MAP7D1: variants seen among roughly 807,000 people sequenced by gnomAD.
MAP7D1 encodes MAP7 domain containing 1, also known as MAP7 domain-containing protein 1.
A neutral mutation model predicts 97.5 loss-of-function variants in MAP7D1; 30 were observed. That is an observed-to-expected ratio of 0.31 (90% CI 0.23 to 0.42). MAP7D1 has a LOEUF of 0.42. Among genes scored for constraint, MAP7D1 ranks in the 10% least tolerant of loss-of-function variants. The probability of loss-of-function intolerance (pLI) is 1.00; values close to 1 mark genes in which losing one functional copy is unlikely to be tolerated. For missense variants in MAP7D1, 1,184 were observed against 1,179.5 expected, an observed-to-expected ratio of 1.00 and a Z score of -0.06; for synonymous variants, 536 against 477.1, an observed-to-expected ratio of 1.12 and a Z score of -1.61.
intron 2 of MAP7D1, 87 bp from the exon 3 acceptor site, chr1:36,171,426 G>A: frequency 6.4e-7 from 1 of 1,559,956 alleles, no homozygotes; most frequent in Non-Finnish European, 8.8e-7. Context: ...AAGAAAGGAT[G>A]GGGTGAGGCC....
intron 1 of MAP7D1, 117 bp downstream of exon 1, chr1:36,156,580 T>C: frequency 2.5e-6 from 2 of 794,592 alleles, no homozygotes; most frequent in Non-Finnish European, 3.5e-6. Context: ...CTCTGACCAC[T>C]TGGAAGTTTA....
chr1:36,172,681 C>T, intron 4 of MAP7D1, 54 bp downstream of exon 4: 1 of 1,465,344 alleles, frequency 6.8e-7, no homozygotes, highest in Admixed American at 2.1e-5. Context: ...CGTCTGCATA[C>T]TGGTGCAGTG....
Position 36,176,299 on chromosome 1 carries a change from GC to G in MAP7D1, c.955del (p.Arg319AlafsTer52). On this transcript the variant is annotated frameshift_variant, in exon 7 of 17. Coordinates refer to ENST00000474796, the MANE Select transcript of MAP7D1 (RefSeq NM_001388490.1). LOFTEE classifies it high-confidence loss of function. The surrounding 1 kb of genome is among the most constrained non-coding windows in gnomAD (Gnocchi z 6.1). The stretch of plus-strand genomic sequence containing the variant: ...CTCGGAGTCGCAGCGCGGTCACACT[GC>G]CCCGCAACGGCCGGGACCAGGGTAG... ...LARSRSAVTL[P>X]RNGRDQGRGC... 6.3e-7 allele frequency: 1 copy of G among 1,578,832 alleles called. No individual in the cohort carries two copies.
At chr1:36,179,338 G>A (rs1230292051) in intron 13 of MAP7D1, 23 bp downstream of exon 13, 1 of 1,613,636 alleles carries the variant, frequency 6.2e-7, no homozygotes. Context: ...CCGAAGGGCA[G>A]TGCTGGGCGT....
At chr1:36,157,949 G>C (rs1644359924) in intron 1 of MAP7D1, among the ~76,000 whole-genome samples, 1 of 152,158 alleles carries the variant, frequency 6.6e-6, no homozygotes, top group African/African-American at 2.4e-5. Context: ...GGGAGGCCCA[G>C]CCTGAGTCCA....
chr1:36,173,826 A>C (rs1644580537), intron 5 of MAP7D1, among the ~76,000 whole-genome samples: 1 of 152,194 alleles, frequency 6.6e-6, no homozygotes, highest in African/African-American at 2.4e-5. Context: ...TTGTCTCGGA[A>C]GGTAGATTTT....
intron 1 of MAP7D1, among the ~76,000 whole-genome samples, chr1:36,157,003 T>C (rs1644342298): frequency 6.6e-6 from 1 of 151,974 alleles, no homozygotes. Context: ...AAAGGGCCTG[T>C]TGCTGCTGCG....
In MAP7D1 at chr1:36,176,139, C is replaced by CCT; in HGVS notation, c.851-57_851-56dup. On this transcript the variant is annotated intron_variant, in intron 6 of 16. Transcript: ENST00000474796. This position sits in a 1 kb window ranked among gnomAD's most constrained non-coding sequence, Gnocchi z 6.1. ...GGATGGTGCCTGGTCTGCTCCCTTG[C>CCT]CTCTTCCTGCCTCCTACGGCCCCCA... The CCT allele has an allele frequency of 6.3e-7, 1 of 1,577,080 alleles. No individual in the cohort carries two copies. Among genetic ancestry groups the CCT allele is most frequent in the Non-Finnish European group, 8.6e-7 (1 of 1,166,312 alleles).
In MAP7D1 at chr1:36,180,480, C is replaced by T. The variant is rs1254995367; in HGVS notation, c.*222C>T. ...CGTGTGCTCGCACGCGCAGACATCC[C>T]TTCTCCCCCATACACACATATACAC... On this transcript the variant is annotated 3_prime_UTR_variant, in exon 17 of 17. Coordinates refer to ENST00000474796, the MANE Select transcript of MAP7D1 (RefSeq NM_001388490.1). The T allele has an allele frequency of 6.8e-5, 42 of 618,908 alleles. No homozygotes were observed. The highest frequency in any genetic ancestry group is 7.2e-5 in the Non-Finnish European group (25 of 348,720). The allele number at this position is 618,908 out of a possible 1,614,324, so 38.3% of individuals were successfully genotyped here.
At chr1:36,166,252 G>A (rs1306712397) in intron 1 of MAP7D1, among the ~76,000 whole-genome samples, 1 of 152,136 alleles carries the variant, frequency 6.6e-6, no homozygotes, top group Non-Finnish European at 1.5e-5. Context: ...ACTGAGCAGG[G>A]GGAGAAGAGG....
Position 36,178,408 on chromosome 1 carries a change from T to TC in MAP7D1, c.1709-6dup. The TC allele has an allele frequency of 6.2e-7, 1 of 1,604,906 alleles. No homozygotes were observed. Among genetic ancestry groups the TC allele is most frequent in the Non-Finnish European group, 8.5e-7 (1 of 1,176,142 alleles). On this transcript the variant is annotated splice_polypyrimidine_tract_variant and intron_variant, in intron 9 of 16. Transcript: ENST00000474796. ...GGGTGTGCTGACGCCTGATCCCGGA[T>TC]CCCCCTCCAGACGCTGCTGTCTTGA...
chr1:36,173,575 G>C (rs747188471), intron 5 of MAP7D1, 97 bp downstream of exon 5: 1 of 866,084 alleles, frequency 1.2e-6, no homozygotes, highest in Non-Finnish European at 1.8e-6. Flanking sequence ...GTGGCTCCCT[G>C]CAGCAGGTGT....
chr1:36,157,475 AT>A (rs1644352479), intron 1 of MAP7D1, among the ~76,000 whole-genome samples: 1 of 152,034 alleles, frequency 6.6e-6, no homozygotes, highest in Non-Finnish European at 1.5e-5. Flanking sequence ...TCCCATTCGG[AT>A]CTGGGAGCAG....
rs2296263 is a variant in MAP7D1, at chr1:36,176,128, C to A, written c.851-71C>A. The A allele has an allele frequency of 6.4e-7, 1 of 1,554,598 alleles. No individual in the cohort carries two copies. Among genetic ancestry groups the A allele is most frequent in the South Asian group, 1.1e-5 (1 of 87,232 alleles). Reference sequence around the variant, plus strand: ...CCTTGGCATGGGGATGGTGCCTGGTCTGCTCCCTTGCCTCTTCCTGCCTCC... The same window carrying A: ...CCTTGGCATGGGGATGGTGCCTGGTATGCTCCCTTGCCTCTTCCTGCCTCC... On this transcript the variant is annotated intron_variant, in intron 6 of 16. Coordinates refer to ENST00000474796, the MANE Select transcript of MAP7D1 (RefSeq NM_001388490.1). This position sits in a 1 kb window ranked among gnomAD's most constrained non-coding sequence, Gnocchi z 6.1.
At chr1:36,165,780 G>GAGTGC (rs930196300) in intron 1 of MAP7D1, among the ~76,000 whole-genome samples, 2 of 148,180 alleles carry the variant, frequency 1.3e-5, no homozygotes, top group Non-Finnish European at 3.0e-5. Context: ...ATCCAGGCTG[G>GAGTGC]AGTGCAGTGG....
intron 1 of MAP7D1, among the ~76,000 whole-genome samples, chr1:36,169,288 G>T (rs981763587): frequency 6.6e-6 from 1 of 151,486 alleles, no homozygotes; most frequent in African/African-American, 2.4e-5. Flanking sequence ...GGTGGGCAGT[G>T]GCTCACGCCT....
chr1:36,180,094 C>G, intron 16 of MAP7D1, 27 bp downstream of exon 16: 1 of 1,611,836 alleles, frequency 6.2e-7, no homozygotes, highest in South Asian at 1.1e-5. Context: ...CTGGACCCAG[C>G]TCCATTCCTC....
intron 1 of MAP7D1, among the ~76,000 whole-genome samples, chr1:36,163,955 G>T (rs1356628913): frequency 6.7e-6 from 1 of 150,018 alleles, no homozygotes; most frequent in Non-Finnish European, 1.5e-5. Flanking sequence ...CTCCCAAGTA[G>T]CTGGGACTAC....
chr1:36,167,952 A>C (rs1430522222), intron 1 of MAP7D1, among the ~76,000 whole-genome samples: 1 of 152,138 alleles, frequency 6.6e-6, no homozygotes, highest in Non-Finnish European at 1.5e-5. Context: ...TCAACCTTCA[A>C]GCTTAATACT....
Sources: allele counts gnomAD v4.1 joint callset (sites outside exome capture counted in the v4.1 genomes callset), GRCh38; gene constraint gnomAD v4.1.1; non-coding constraint Gnocchi (gnomAD v3.1); transcripts MANE v1.5; gene names NCBI Gene and HGNC (gene_info 2026-07-23, HGNC 2026-07-21).